TMEM117: variants seen among roughly 807,000 people sequenced by gnomAD.
The protein encoded by TMEM117 is transmembrane protein 117.
TMEM117 carries 27 observed loss-of-function variants against 52.4 expected under a neutral mutation model. The ratio of observed to expected loss-of-function variants is 0.51; its 90% CI spans 0.38 to 0.71. The LOEUF is 0.71. Among genes scored for constraint, TMEM117 ranks in the 30% least tolerant of loss-of-function variants. The pLI is 0.00. For synonymous variants in TMEM117, 215 were observed against 206.3 expected (o/e 1.04, Z -0.36); for missense variants, 556 against 630.5 (o/e 0.88, Z 1.26).
intron 3 of TMEM117, among the ~76,000 whole-genome samples, chr12:43,949,584 G>A (rs77048038): frequency 0.025 from 3,814 of 152,302 alleles, 92 homozygotes; most frequent in Non-Finnish European, 0.034. Context: ...ATCTTGTCGG[G>A]AAGCTGCTGA....
At chr12:43,976,676 C>T (rs1033662579) in intron 3 of TMEM117, among the ~76,000 whole-genome samples, 1 of 152,082 alleles carries the variant, frequency 6.6e-6, no homozygotes, top group African/African-American at 2.4e-5. Context: ...AACCTCCTGG[C>T]CTTCCAAGAA....
At chr12:44,017,326 C>CTTTTTTTTTTTTTT (rs79007657) in intron 3 of TMEM117, among the ~76,000 whole-genome samples, 12 of 97,106 alleles carry the variant, frequency 1.2e-4, no homozygotes, top group Non-Finnish European at 1.9e-4. Flanking sequence ...TCTTTCTTTC[C>CTTTTTTTTTTTTTT]TTTTTTTTTT....
chr12:43,827,020 CA>C, the TMEM117 span, among the ~76,000 whole-genome samples: 3 of 150,870 alleles, frequency 2.0e-5, no homozygotes, highest in African/African-American at 7.3e-5. Context: ...GAGTTATATT[CA>C]AATATAGAAA....
Position 43,844,868 on chromosome 12 carries a change from C to G in TMEM117, c.217C>G (p.Leu73Val), listed in dbSNP as rs1198844558. The G allele has an allele frequency of 1.2e-6, 2 of 1,614,218 alleles. No homozygotes were observed. The highest frequency in any genetic ancestry group is 3.3e-5 in the Admixed American group (2 of 60,022). ...GAGGATTTTGAAGGTGCTTCTATGG[C>G]TACTTGCCATTCTCACAGGACTAAT... ...GWRILKVLLW[L>V]LAILTGLIAG... Residue 73 changes from leucine (L) to valine (V), a missense_variant, in exon 2 of 8, where the codon CTA becomes GTA. This residue lies in a region of TMEM117 where 328 missense variants were observed against 371.4 expected (regional missense o/e 0.88). Transcript: ENST00000266534.
intron 3 of TMEM117, among the ~76,000 whole-genome samples, chr12:44,064,308 T>C (rs7967335): frequency 0.028 from 4,259 of 152,326 alleles, 128 homozygotes; most frequent in African/African-American, 0.074. Flanking sequence ...TTTAAGTTCA[T>C]TTAAACTTCA....
chr12:44,393,001 A>G (rs774928936), downstream of TMEM117, among the ~76,000 whole-genome samples: 8 of 152,144 alleles, frequency 5.3e-5, no homozygotes, highest in Non-Finnish European at 2.9e-5. Flanking sequence ...GATATCCTGT[A>G]AATGAAAATA....
chr12:44,225,394 A>G (rs909986520), intron 5 of TMEM117, among the ~76,000 whole-genome samples: 3 of 152,202 alleles, frequency 2.0e-5, no homozygotes, highest in Admixed American at 2.0e-4. Context: ...TTGCAAAAAT[A>G]GTGCAGTGAT....
downstream of TMEM117, among the ~76,000 whole-genome samples, chr12:44,393,877 A>G (rs539672307): frequency 1.3e-4 from 20 of 152,298 alleles, no homozygotes; most frequent in African/African-American, 4.8e-4. Context: ...CATTTTTAAA[A>G]CCACAACACA....
chr12:44,026,758 T>C (rs1015280665), intron 3 of TMEM117, among the ~76,000 whole-genome samples: 1 of 152,188 alleles, frequency 6.6e-6, no homozygotes, highest in Non-Finnish European at 1.5e-5. Flanking sequence ...ACAAAAACTT[T>C]CAAATATTCA....
At chr12:44,265,094 G>T (rs1377729372) in intron 5 of TMEM117, among the ~76,000 whole-genome samples, 1 of 152,138 alleles carries the variant, frequency 6.6e-6, no homozygotes, top group African/African-American at 2.4e-5. Flanking sequence ...ATGACAAAAA[G>T]AAACGAGTGT....
At chr12:44,130,009 A>G (rs560749987) in intron 3 of TMEM117, among the ~76,000 whole-genome samples, 2 of 152,220 alleles carry the variant, frequency 1.3e-5, no homozygotes, top group East Asian at 3.9e-4. Flanking sequence ...TCGTTCTTCT[A>G]CTTCCTTTTG....
At chr12:44,107,893 G>A (rs975201117) in intron 3 of TMEM117, among the ~76,000 whole-genome samples, 1 of 152,138 alleles carries the variant, frequency 6.6e-6, no homozygotes, top group African/African-American at 2.4e-5. Context: ...GCTTTTAAAA[G>A]TTGCTCATGT....
chr12:44,008,199 T>G (rs1402019415), intron 3 of TMEM117, among the ~76,000 whole-genome samples: 1 of 152,158 alleles, frequency 6.6e-6, no homozygotes, highest in Non-Finnish European at 1.5e-5. Flanking sequence ...TGTTTCTAAC[T>G]TAGTAATTCT....
At chr12:43,803,792 T>G in the TMEM117 span, among the ~76,000 whole-genome samples, 14 of 152,106 alleles carry the variant, frequency 9.2e-5, no homozygotes, top group African/African-American at 3.4e-4. Flanking sequence ...CAAATTAGAT[T>G]TACTTCCAGT....
At chr12:44,149,121 A>G (rs1225022501) in intron 4 of TMEM117, among the ~76,000 whole-genome samples, 1 of 152,126 alleles carries the variant, frequency 6.6e-6, no homozygotes, top group Non-Finnish European at 1.5e-5. Context: ...CTTGAGTGTA[A>G]ATGGCAAAGA....
intron 3 of TMEM117, among the ~76,000 whole-genome samples, chr12:43,946,481 T>G (rs900347979): frequency 6.7e-6 from 1 of 150,294 alleles, no homozygotes; most frequent in Non-Finnish European, 1.5e-5. Context: ...AAGCAATAAA[T>G]TAAATGCAAT....
chr12:44,278,873 C>T (rs922740028), intron 5 of TMEM117, among the ~76,000 whole-genome samples: 1 of 152,078 alleles, frequency 6.6e-6, no homozygotes, highest in Non-Finnish European at 1.5e-5. Flanking sequence ...TAATTTTATC[C>T]CTAGATATCA....
intron 6 of TMEM117, among the ~76,000 whole-genome samples, chr12:44,340,550 T>A (rs1049305627): frequency 5.9e-5 from 9 of 152,068 alleles, no homozygotes; most frequent in African/African-American, 2.2e-4. Context: ...CAGAGGCCCT[T>A]TCCTCTTAAA....
At chr12:44,022,220 A>G (rs1946466213) in intron 3 of TMEM117, among the ~76,000 whole-genome samples, 1 of 152,246 alleles carries the variant, frequency 6.6e-6, no homozygotes, top group Admixed American at 6.5e-5. Context: ...GTGTGAACTT[A>G]GACAAGCCAT....
Sources: gnomAD v4.1 joint callset for allele counts (sites outside exome capture counted in the v4.1 genomes callset) on GRCh38, gnomAD v4.1.1 for gene constraint, gnomAD v4.1.1 regional missense constraint, MANE v1.5 for transcripts, NCBI Gene and HGNC (gene_info 2026-07-23, HGNC 2026-07-21) for gene names.